BABAM2: variants seen among roughly 807,000 people sequenced by gnomAD.
BABAM2 encodes BRISC and BRCA1-A complex member 2.
A neutral mutation model predicts 54.7 loss-of-function variants in BABAM2; 31 were observed. The observed-to-expected ratio is 0.57, with a 90% confidence interval of 0.43 to 0.77. BABAM2 has a LOEUF of 0.77. BABAM2 is among the 30% of genes least tolerant of loss of function. The probability of loss-of-function intolerance (pLI) is 0.00; values close to 1 mark genes in which losing one functional copy is unlikely to be tolerated. For missense variants in BABAM2, 364 were observed against 455.8 expected (o/e 0.80, Z 1.83); for synonymous variants, 167 against 162.9 (o/e 1.03, Z -0.19).
At chr2:28,152,799 G>A (rs1471964267) in intron 7 of BABAM2, among the ~76,000 whole-genome samples, 2 of 152,232 alleles carry the variant, frequency 1.3e-5, no homozygotes, top group Non-Finnish European at 2.9e-5. Context: ...AGTCTTAAAG[G>A]ATGGTCATCG....
intron 3 of BABAM2, among the ~76,000 whole-genome samples, chr2:27,975,639 G>A (rs1419366344): frequency 6.6e-6 from 1 of 152,020 alleles, no homozygotes; most frequent in South Asian, 2.1e-4. Flanking sequence ...TGTGACTTGG[G>A]CTGGGCATTG....
chr2:28,129,355 C>A lies in BABAM2; in HGVS notation c.655C>A (p.Leu219Met), dbSNP rs1442569906. ...DTEATQVYPK[L>M]YLSPRIEHAL... ...TGAAGCCACCCAGGTGTACCCCAAG[C>A]TGTACTTGTCACCTCGAATTGAGCA... Residue 219 changes from leucine to methionine, a missense_variant, in exon 7 of 12, where the codon CTG becomes ATG. By Grantham distance (15) the Leu-to-Met change is conservative. Coordinates refer to ENST00000379624, the MANE Select transcript of BABAM2 (RefSeq NM_199191.3). 1.2e-6 allele frequency: 2 copies of A among 1,613,876 alleles called. No homozygotes were observed. The highest frequency in any genetic ancestry group is 3.3e-5 in the Admixed American group (2 of 60,008).
chr2:28,249,531 G>A (rs1683243893), intron 10 of BABAM2, among the ~76,000 whole-genome samples: 1 of 152,084 alleles, frequency 6.6e-6, no homozygotes, highest in African/African-American at 2.4e-5. Context: ...TCTAGTTGAT[G>A]AGAAAAAAGA....
intron 10 of BABAM2, among the ~76,000 whole-genome samples, chr2:28,272,826 C>T (rs528345413): frequency 4.6e-5 from 7 of 152,176 alleles, no homozygotes; most frequent in Admixed American, 1.3e-4. Flanking sequence ...CCTCCCTCTG[C>T]GTGAGGGAGC....
chr2:28,106,708 G>A (rs1448486137), intron 6 of BABAM2, among the ~76,000 whole-genome samples: 1 of 152,128 alleles, frequency 6.6e-6, no homozygotes, highest in Non-Finnish European at 1.5e-5. Flanking sequence ...AGTGTCTGTT[G>A]GGGTTTCCAC....
intron 10 of BABAM2, among the ~76,000 whole-genome samples, chr2:28,279,790 C>T (rs891674381): frequency 3.3e-5 from 5 of 151,884 alleles, no homozygotes; most frequent in East Asian, 3.9e-4. Context: ...CTCAGCCTCC[C>T]GAGTAGCTGG....
chr2:28,026,949 A>ATATATTT lies in BABAM2; in HGVS notation c.495+1529_495+1530insTATATTT, dbSNP rs1558667991. On this transcript the variant is annotated intron_variant, in intron 5 of 11. Transcript: ENST00000379624. ...ATAAATATATATATAAATATATATT[A>ATATATTT]ATATATATAAATATATATATAAATA... Among the ~76,000 whole-genome samples the ATATATTT allele has an allele frequency of 4.3e-3, 14 of 3,272 alleles. 1 individual carries two copies. Among genetic ancestry groups the ATATATTT allele is most frequent in the Admixed American group, 6.3e-3 (1 of 158 alleles). The allele number at this position is 3,272 out of a possible 152,430, so 2.1% of individuals were successfully genotyped here. A position where few individuals can be genotyped will look rare whatever the true frequency, so the allele number is the denominator to read the frequency against.
At chr2:27,938,038 C>G (rs548466156) in intron 3 of BABAM2, among the ~76,000 whole-genome samples, 1 of 152,226 alleles carries the variant, frequency 6.6e-6, no homozygotes, top group South Asian at 2.1e-4. Context: ...TGCAGTTTTC[C>G]CAACACCATT....
chr2:28,185,360 C>T (rs1194531054), intron 7 of BABAM2, among the ~76,000 whole-genome samples: 1 of 152,206 alleles, frequency 6.6e-6, no homozygotes, highest in Non-Finnish European at 1.5e-5. Context: ...TTGTGCAACA[C>T]TGATACACAC....
At chr2:28,245,591 G>A (rs1368696114) in intron 10 of BABAM2, among the ~76,000 whole-genome samples, 3 of 152,202 alleles carry the variant, frequency 2.0e-5, no homozygotes, top group African/African-American at 7.2e-5. Flanking sequence ...GACCCATGGA[G>A]TCAGGTTCAA....
chr2:28,136,556 C>G (rs1670560286), intron 7 of BABAM2, among the ~76,000 whole-genome samples: 1 of 152,218 alleles, frequency 6.6e-6, no homozygotes, highest in Non-Finnish European at 1.5e-5. Flanking sequence ...ATTGCTGTGC[C>G]TTGTGGCTAG....
chr2:28,225,633 C>T (rs1391250463), intron 7 of BABAM2, among the ~76,000 whole-genome samples: 1 of 151,796 alleles, frequency 6.6e-6, no homozygotes, highest in Non-Finnish European at 1.5e-5. Context: ...AGCTTTTTCA[C>T]CTAACATAGA....
chr2:28,116,212 G>A (rs918827889), intron 6 of BABAM2, among the ~76,000 whole-genome samples: 14 of 152,076 alleles, frequency 9.2e-5, no homozygotes, highest in African/African-American at 3.4e-4. Flanking sequence ...AGAAATATAT[G>A]GTATTTACAC....
rs1667697431 is a variant in BABAM2 at position 27,926,234 on chromosome 2, C to T, written c.129-3598C>T. Among the ~76,000 whole-genome samples the T allele has an allele frequency of 3.9e-5, 6 of 151,948 alleles. No individual in the cohort carries two copies. In the South Asian group the frequency reaches 1.3e-3, roughly 32 times the overall value. ...ACTTGCAGGTCCAGTGTGATCTGTCCCTTCCTTTTGCCCCTCTCTCCCTCA... is the reference window on the plus strand; with the variant it reads ...ACTTGCAGGTCCAGTGTGATCTGTCTCTTCCTTTTGCCCCTCTCTCCCTCA... On this transcript the variant is annotated intron_variant, in intron 2 of 11. Coordinates refer to ENST00000379624, the MANE Select transcript of BABAM2 (RefSeq NM_199191.3).
chr2:28,311,137 T>C (rs900695148), intron 11 of BABAM2, among the ~76,000 whole-genome samples: 1 of 151,450 alleles, frequency 6.6e-6, no homozygotes, highest in South Asian at 2.1e-4. Context: ...GGTGGGCACC[T>C]GTAGTCCCAG....
At chr2:27,924,760 G>C (rs2148338649) in intron 2 of BABAM2, among the ~76,000 whole-genome samples, 1 of 152,244 alleles carries the variant, frequency 6.6e-6, no homozygotes, top group African/African-American at 2.4e-5. Context: ...GTAAATTAAA[G>C]AACATGACCA....
intron 3 of BABAM2, among the ~76,000 whole-genome samples, chr2:27,946,774 CAGA>C (rs1439296363): frequency 6.6e-6 from 1 of 152,080 alleles, no homozygotes; most frequent in African/African-American, 2.4e-5. Flanking sequence ...ATTTCTTTAA[CAGA>C]TATAGGGCTA....
chr2:28,118,795 C>G (rs569355720), intron 6 of BABAM2, among the ~76,000 whole-genome samples: 1 of 152,036 alleles, frequency 6.6e-6, no homozygotes, highest in Non-Finnish European at 1.5e-5. Context: ...TGTCATGAAG[C>G]TTTTGCCCAT....
chr2:28,280,877 C>CG (rs935056406), intron 10 of BABAM2, among the ~76,000 whole-genome samples: 38 of 151,570 alleles, frequency 2.5e-4, no homozygotes, highest in South Asian at 6.3e-4. Flanking sequence ...ATGAGTAAGG[C>CG]GGGGGGGCAG....
Sources: gnomAD v4.1 joint callset for allele counts (sites outside exome capture counted in the v4.1 genomes callset) on GRCh38, gnomAD v4.1.1 for gene constraint, MANE v1.5 for transcripts, NCBI Gene and HGNC (gene_info 2026-07-23, HGNC 2026-07-21) for gene names.